The following CDH12 variants were observed in gnomAD, a reference collection of about 807,000 sequenced individuals.
CDH12 encodes the protein cadherin-12.
Under a neutral mutation model 74.1 loss-of-function variants are expected in CDH12, and 41 were observed. That is an observed-to-expected ratio of 0.55 (90% confidence interval 0.43 to 0.72). The LOEUF is 0.72. CDH12 is among the 30% of genes least tolerant of loss of function. The probability of loss-of-function intolerance (pLI) is 0.00; values close to 1 mark genes in which losing one functional copy is unlikely to be tolerated. For synonymous variants in CDH12, 399 were observed against 355.0 expected (o/e 1.12, Z -1.39); for missense variants, 945 against 977.2 (o/e 0.97, Z 0.44).
chr5:22,778,532 C>A (rs533753890), intron 1 of CDH12, among the ~76,000 whole-genome samples: 2 of 152,172 alleles, frequency 1.3e-5, no homozygotes, highest in South Asian at 4.1e-4. Context: ...ACTATGAGAA[C>A]TAATAAAAAT....
chr5:21,763,644 GA>G (rs1160378864), intron 12 of CDH12, among the ~76,000 whole-genome samples: 1 of 152,104 alleles, frequency 6.6e-6, no homozygotes, highest in Non-Finnish European at 1.5e-5. Context: ...CACAATATTA[GA>G]TTAAACATAT....
chr5:22,343,323 CAGAGAGAGAGAG>C (rs377016972), intron 3 of CDH12, among the ~76,000 whole-genome samples: 65 of 136,336 alleles, frequency 4.8e-4, no homozygotes, highest in East Asian at 1.3e-3. Flanking sequence ...GACACACACA[CAGAGAGAGAGAG>C]AGAGAGAGAG....
At chr5:21,766,300 CA>C (rs1745019122) in intron 11 of CDH12, among the ~76,000 whole-genome samples, 1 of 151,974 alleles carries the variant, frequency 6.6e-6, no homozygotes, top group Non-Finnish European at 1.5e-5. Context: ...AATACCTACA[CA>C]GATAACATAA....
intron 3 of CDH12, among the ~76,000 whole-genome samples, chr5:22,223,062 A>G (rs1752074856): frequency 6.6e-6 from 1 of 152,010 alleles, no homozygotes; most frequent in South Asian, 2.1e-4. Context: ...GAAGGTTTAC[A>G]TATCATTATT....
At chr5:22,561,752 T>C (rs1259263322) in intron 1 of CDH12, among the ~76,000 whole-genome samples, 10 of 152,144 alleles carry the variant, frequency 6.6e-5, no homozygotes, top group Non-Finnish European at 1.3e-4. Flanking sequence ...CTAAATTGCA[T>C]AGAGAGTGCA....
chr5:22,641,462 C>T (rs1479005784), intron 1 of CDH12, among the ~76,000 whole-genome samples: 1 of 152,064 alleles, frequency 6.6e-6, no homozygotes, highest in Non-Finnish European at 1.5e-5. Flanking sequence ...CAGATCTTCC[C>T]CACTTGGTCT....
Position 22,188,684 on chromosome 5 carries a change from TG to T in CDH12, c.-187+23813del, listed in dbSNP as rs200131644. Among the ~76,000 whole-genome samples, 3 of 152,324 alleles carry T rather than the reference TG, an allele frequency of 2.0e-5. No homozygotes were observed. In the East Asian group the frequency reaches 5.8e-4, roughly 29 times the overall value. On this transcript the variant is annotated intron_variant, in intron 4 of 14. Coordinates refer to ENST00000382254, the MANE Select transcript of CDH12 (RefSeq NM_004061.5). ...CCTATTAGCATTTTAAAGGGCTTTG[TG>T]GCCATTATACTCTCGCTTTGGAGCT...
Position 22,114,352 on chromosome 5 carries a change from A to G in CDH12, c.-186-35490T>C, listed in dbSNP as rs573226408. On this transcript the variant is annotated intron_variant, in intron 4 of 14. Coordinates refer to ENST00000382254, the MANE Select transcript of CDH12 (RefSeq NM_004061.5). ...TTGTATGATCATTTTCTAATGATAT[A>G]AAACTTCTTCTTTAGTCTTTACTCT... Among the ~76,000 whole-genome samples the G allele has an allele frequency of 1.2e-4, 19 of 152,294 alleles. 1 individual carries two copies. Among genetic ancestry groups the G allele is most frequent in the African/African-American group, 4.6e-4 (19 of 41,574 alleles).
At chr5:22,198,481 A>G (rs181608188) in intron 4 of CDH12, among the ~76,000 whole-genome samples, 6 of 152,202 alleles carry the variant, frequency 3.9e-5, no homozygotes, top group Non-Finnish European at 7.4e-5. Flanking sequence ...ACAAATGCCT[A>G]AGGAACTTAA....
At chr5:21,790,328 T>C (rs1450577345) in intron 10 of CDH12, among the ~76,000 whole-genome samples, 2 of 152,128 alleles carry the variant, frequency 1.3e-5, no homozygotes, top group Non-Finnish European at 2.9e-5. Context: ...AATACGTTTA[T>C]CTCTTAGTTA....
chr5:22,525,650 TTC>T (rs1460990510), intron 1 of CDH12, among the ~76,000 whole-genome samples: 1 of 152,182 alleles, frequency 6.6e-6, no homozygotes, highest in Non-Finnish European at 1.5e-5. Context: ...TTTCCAATTT[TTC>T]TCTCTTTCTC....
intron 1 of CDH12, among the ~76,000 whole-genome samples, chr5:22,829,747 A>G (rs1360549660): frequency 1.3e-5 from 2 of 152,194 alleles, no homozygotes; most frequent in African/African-American, 4.8e-5. Flanking sequence ...TACATTGACA[A>G]TGACCTTACT....
chr5:22,145,199 C>T (rs569617211), intron 4 of CDH12, among the ~76,000 whole-genome samples: 7 of 152,190 alleles, frequency 4.6e-5, no homozygotes, highest in South Asian at 2.1e-4. Context: ...GTGACAAAAT[C>T]ACATATATGC....
At chr5:22,337,658 A>G (rs564801395) in intron 3 of CDH12, among the ~76,000 whole-genome samples, 5 of 152,338 alleles carry the variant, frequency 3.3e-5, no homozygotes, top group Non-Finnish European at 7.3e-5. Flanking sequence ...CCCCAGCCAC[A>G]TGGAACTGTA....
At chr5:22,066,743 T>C (rs1180270935) in intron 5 of CDH12, among the ~76,000 whole-genome samples, 1 of 152,200 alleles carries the variant, frequency 6.6e-6, no homozygotes, top group African/African-American at 2.4e-5. Flanking sequence ...GAGAAACTGC[T>C]GAGATTAGTG....
chr5:21,867,373 T>C (rs924351007), intron 6 of CDH12, among the ~76,000 whole-genome samples: 6 of 151,618 alleles, frequency 4.0e-5, no homozygotes, highest in African/African-American at 2.4e-5. Context: ...TAAAATAAAA[T>C]AAGAATTAAG....
intron 8 of CDH12, among the ~76,000 whole-genome samples, chr5:21,824,548 A>G (rs548102506): frequency 6.6e-6 from 1 of 152,242 alleles, no homozygotes; most frequent in African/African-American, 2.4e-5. Flanking sequence ...TTTTGTTGTC[A>G]TACAATTAGT....
At chr5:22,558,432 T>C (rs1304849133) in intron 1 of CDH12, among the ~76,000 whole-genome samples, 2 of 152,234 alleles carry the variant, frequency 1.3e-5, no homozygotes, top group African/African-American at 2.4e-5. Context: ...GTAGCTATTA[T>C]GGGTAAAACC....
At chr5:22,353,604 T>C (rs1390489194) in intron 3 of CDH12, among the ~76,000 whole-genome samples, 3 of 152,128 alleles carry the variant, frequency 2.0e-5, no homozygotes, top group African/African-American at 7.2e-5. Flanking sequence ...CACAAACATA[T>C]AATCACAAAC....
Sources: allele counts gnomAD v4.1 joint callset (sites outside exome capture counted in the v4.1 genomes callset), GRCh38; gene constraint gnomAD v4.1.1; transcripts MANE v1.5; gene names NCBI Gene and HGNC (gene_info 2026-07-23, HGNC 2026-07-21).